Variants in UCHL5 observed in about 807,000 individuals in gnomAD.
UCHL5 encodes ubiquitin C-terminal hydrolase L5, also known as ubiquitin carboxyl-terminal hydrolase isozyme L5.
Under a neutral mutation model 53.8 loss-of-function variants are expected in UCHL5, and 34 were observed. The observed-to-expected ratio is 0.63, with a 90% CI of 0.48 to 0.84. UCHL5 has a LOEUF of 0.84. Among genes scored for constraint, UCHL5 ranks in the 40% least tolerant of loss-of-function variants. The pLI, the probability that UCHL5 is intolerant of heterozygous loss-of-function variation, is 0.00. For missense variants in UCHL5, 290 were observed against 385.6 expected, an observed-to-expected ratio of 0.75 and a Z score of 2.08; for synonymous variants, 111 against 126.3, an observed-to-expected ratio of 0.88 and a Z score of 0.81.
chr1:193,043,349 T>A (rs990015992), intron 3 of UCHL5, among the ~76,000 whole-genome samples: 1 of 152,082 alleles, frequency 6.6e-6, no homozygotes, highest in South Asian at 2.1e-4. Flanking sequence ...TTACTCACTT[T>A]TGCTATAAAG....
At position 193,012,637 on chromosome 1, in the gene UCHL5, C is replaced by T. The variant is rs1335986363; in HGVS notation, c.*3714G>A. On this transcript the variant is annotated 3_prime_UTR_variant, in exon 11 of 11. Coordinates refer to ENST00000367454, the MANE Select transcript of UCHL5 (RefSeq NM_001199261.3). ...TTCATTTAGGTCTCTACTTAAAGTA[C>T]ATCTCATTAATGGGATCTTCCATGA... 1 of 152,174 alleles carries T rather than the reference C, an allele frequency of 6.6e-6. No individual in the cohort carries two copies. The highest frequency in any genetic ancestry group is 1.5e-5 in the Non-Finnish European group (1 of 68,038). The allele number at this position is 152,174 out of a possible 1,614,324, so 9.4% of individuals were successfully genotyped here. A position where few individuals can be genotyped will look rare whatever the true frequency, so the allele number is the denominator to read the frequency against.
chr1:193,059,682 T>G, upstream of UCHL5: 1 of 1,364,192 alleles, frequency 7.3e-7, no homozygotes, highest in Non-Finnish European at 9.8e-7. This position sits in a 1 kb window ranked among gnomAD's most constrained non-coding sequence, Gnocchi z 4.9. Flanking sequence ...TGGCTGTCGC[T>G]GCCCGTCAGG....
intron 2 of UCHL5, 48 bp downstream of exon 2, chr1:193,051,706 G>T: frequency 8.8e-7 from 1 of 1,141,908 alleles, no homozygotes; most frequent in Admixed American, 2.4e-5. Context: ...CTTTAAGTTT[G>T]TTAAAGTATA....
At chr1:193,030,334 G>A (rs1458870576) in intron 3 of UCHL5, among the ~76,000 whole-genome samples, 1 of 152,176 alleles carries the variant, frequency 6.6e-6, no homozygotes, top group Non-Finnish European at 1.5e-5. Flanking sequence ...AACTTATGCA[G>A]AAGGATTACT....
intron 3 of UCHL5, chr1:193,049,456 C>T (rs1301514052): frequency 1.9e-5 from 4 of 211,556 alleles, no homozygotes; most frequent in Non-Finnish European, 3.7e-5. Context: ...CCTCCTGCCT[C>T]GGCCTCCCAA....
chr1:193,059,552 G>A (rs1672158103), upstream of UCHL5: 6 of 1,532,976 alleles, frequency 3.9e-6, no homozygotes, highest in Non-Finnish European at 5.3e-6. The surrounding 1 kb of genome is among the most constrained non-coding windows in gnomAD (Gnocchi z 4.9). Context: ...GCGCCGAGGA[G>A]GCAACATCCG....
intron 1 of UCHL5, among the ~76,000 whole-genome samples, chr1:193,058,873 C>T (rs1426380059): frequency 6.6e-6 from 1 of 152,214 alleles, no homozygotes; most frequent in Non-Finnish European, 1.5e-5. Context: ...AAGGGCAATA[C>T]GTGCTTAAGA....
chr1:193,053,538 A>AGCGCT (rs1325862263), intron 1 of UCHL5, among the ~76,000 whole-genome samples: 1 of 152,222 alleles, frequency 6.6e-6, no homozygotes, highest in Non-Finnish European at 1.5e-5. Flanking sequence ...AAGAGAAATA[A>AGCGCT]GCGCTGATTC....
chr1:193,027,770 A>T, intron 7 of UCHL5: 1 of 499,290 alleles, frequency 2.0e-6, no homozygotes, highest in African/African-American at 2.0e-5. Flanking sequence ...ATGACATACT[A>T]CTACATGAAA....
chr1:193,057,113 A>G (rs1670856274), intron 1 of UCHL5, among the ~76,000 whole-genome samples: 1 of 152,258 alleles, frequency 6.6e-6, no homozygotes, highest in Non-Finnish European at 1.5e-5. Flanking sequence ...ATCTGCAGAC[A>G]TGTCAAACTC....
chr1:193,037,594 T>C (rs1663989549), intron 3 of UCHL5, among the ~76,000 whole-genome samples: 2 of 152,004 alleles, frequency 1.3e-5, no homozygotes, highest in South Asian at 2.1e-4. Context: ...TTCAAAAAAA[T>C]TGAAGAAGAA....
intron 7 of UCHL5, among the ~76,000 whole-genome samples, chr1:193,026,336 G>A (rs576449194): frequency 6.6e-6 from 1 of 152,206 alleles, no homozygotes; most frequent in South Asian, 2.1e-4. Context: ...CTCTGTGAAA[G>A]ACCATTTTGG....
At chr1:193,048,827 A>C (rs1668136362) in intron 3 of UCHL5, among the ~76,000 whole-genome samples, 1 of 152,212 alleles carries the variant, frequency 6.6e-6, no homozygotes. Context: ...TTCATTAAAA[A>C]ATGTTATCGA....
At position 193,021,100 on chromosome 1, in the gene UCHL5, T is replaced by C; in HGVS notation, c.939A>G (p.Glu313=). Residue 313 remains glutamate (E), a synonymous_variant, in exon 10 of 11, where the codon GAA becomes GAG. Transcript: ENST00000367454. ...AEHQQLIPLV[E]KAKEKQNAKK... ...TATCTACCAATAAAATACTTACCTT[T>C]TCTACTAGTGGTATTAACTGCTGGT... 6.3e-7 allele frequency: 1 copy of C among 1,589,554 alleles called. No homozygotes were observed. The highest frequency in any genetic ancestry group is 8.6e-7 in the Non-Finnish European group (1 of 1,159,734).
intron 7 of UCHL5, among the ~76,000 whole-genome samples, chr1:193,024,851 C>G (rs1445317416): frequency 1.3e-5 from 2 of 151,890 alleles, no homozygotes; most frequent in Non-Finnish European, 2.9e-5. Flanking sequence ...AACAAATGGC[C>G]CCAACATAAC....
intron 3 of UCHL5, among the ~76,000 whole-genome samples, chr1:193,032,449 T>C (rs1661778883): frequency 6.6e-6 from 1 of 152,096 alleles, no homozygotes; most frequent in African/African-American, 2.4e-5. Flanking sequence ...GGCAATACCA[T>C]TCAGGACATA....
chr1:193,059,771 G>A, upstream of UCHL5: 1 of 1,356,580 alleles, frequency 7.4e-7, no homozygotes, highest in Non-Finnish European at 9.8e-7. This position sits in a 1 kb window ranked among gnomAD's most constrained non-coding sequence, Gnocchi z 4.9. Context: ...CGGCTGCCAG[G>A]TACAGGTGAG....
intron 3 of UCHL5, among the ~76,000 whole-genome samples, chr1:193,040,028 G>A (rs1665002193): frequency 6.6e-6 from 1 of 152,102 alleles, no homozygotes; most frequent in Non-Finnish European, 1.5e-5. Context: ...TATAAGACTT[G>A]AAATTATGAA....
intron 1 of UCHL5, among the ~76,000 whole-genome samples, chr1:193,053,112 G>A (rs1669584625): frequency 1.3e-5 from 2 of 152,144 alleles, no homozygotes; most frequent in South Asian, 2.1e-4. Context: ...CATGGTTTGC[G>A]GTGGAGGAGA....
Sources: allele counts gnomAD v4.1 joint callset (sites outside exome capture counted in the v4.1 genomes callset), GRCh38; gene constraint gnomAD v4.1.1; non-coding constraint Gnocchi (gnomAD v3.1); transcripts MANE v1.5; gene names NCBI Gene and HGNC (gene_info 2026-07-23, HGNC 2026-07-21).